ADAMTSL1: variants seen among roughly 807,000 people sequenced by gnomAD.
ADAMTSL1 encodes ADAMTS like 1.
A neutral mutation model predicts 201.8 loss-of-function variants in ADAMTSL1; 126 were observed. That is an observed-to-expected ratio of 0.62 (90% CI 0.54 to 0.72). ADAMTSL1 has a LOEUF of 0.72. Among genes scored for constraint, ADAMTSL1 ranks in the 30% least tolerant of loss-of-function variants. The pLI is 0.00. For missense variants in ADAMTSL1, 2,679 were observed against 2,277.8 expected, an observed-to-expected ratio of 1.18 and a Z score of -3.59; for synonymous variants, 1,121 against 903.4, an observed-to-expected ratio of 1.24 and a Z score of -4.32.
chr9:18,785,079 G>C (rs942289344), intron 19 of ADAMTSL1, among the ~76,000 whole-genome samples: 3 of 152,142 alleles, frequency 2.0e-5, no homozygotes, highest in Non-Finnish European at 2.9e-5. Flanking sequence ...CAGGAGAATC[G>C]CTTGAACGCA....
intron 2 of ADAMTSL1, among the ~76,000 whole-genome samples, chr9:18,393,813 A>C (rs1002081087): frequency 1.3e-5 from 2 of 152,202 alleles, no homozygotes; most frequent in African/African-American, 4.8e-5. Context: ...TGAAGGAAAC[A>C]AGGCTTGGAG....
chr9:18,496,504 A>G (rs1049657552), intron 1 of ADAMTSL1, among the ~76,000 whole-genome samples: 6 of 152,342 alleles, frequency 3.9e-5, no homozygotes, highest in African/African-American at 1.4e-4. Flanking sequence ...CTTGGCTCAC[A>G]TGGCACAATA....
intron 1 of ADAMTSL1, among the ~76,000 whole-genome samples, chr9:18,490,622 G>A (rs1822223724): frequency 6.6e-6 from 1 of 152,152 alleles, no homozygotes; most frequent in Non-Finnish European, 1.5e-5. Flanking sequence ...ATCAATCGGA[G>A]CACAGAGAGA....
At chr9:18,509,346 C>G (rs1371174274) in intron 2 of ADAMTSL1, among the ~76,000 whole-genome samples, 1 of 151,586 alleles carries the variant, frequency 6.6e-6, no homozygotes, top group African/African-American at 2.4e-5. Flanking sequence ...CTAGTACCAG[C>G]AAGAATTTAT....
chr9:18,872,942 G>A (rs1827950580), intron 23 of ADAMTSL1, among the ~76,000 whole-genome samples: 1 of 152,170 alleles, frequency 6.6e-6, no homozygotes, highest in South Asian at 2.1e-4. Flanking sequence ...TCCACCAGCA[G>A]TGTAAAAGTG....
intron 4 of ADAMTSL1, among the ~76,000 whole-genome samples, chr9:18,603,370 GCTATGC>G (rs1824790646): frequency 1.3e-5 from 2 of 151,206 alleles, no homozygotes; most frequent in Non-Finnish European, 1.5e-5. Flanking sequence ...GCTATGCTAT[GCTATGC>G]TATGCTATGC....
At chr9:18,866,417 A>C (rs1827545531) in intron 23 of ADAMTSL1, among the ~76,000 whole-genome samples, 1 of 152,240 alleles carries the variant, frequency 6.6e-6, no homozygotes, top group Non-Finnish European at 1.5e-5. Flanking sequence ...TTTATAAAAT[A>C]AGCTACGTAT....
chr9:18,165,132 G>T (rs192298324), intron 2 of ADAMTSL1, among the ~76,000 whole-genome samples: 3 of 151,776 alleles, frequency 2.0e-5, no homozygotes, highest in Non-Finnish European at 2.9e-5. Flanking sequence ...ATCTACTGTG[G>T]ACCTACACAT....
At chr9:18,761,293 A>G (rs965666793) in intron 16 of ADAMTSL1, among the ~76,000 whole-genome samples, 7 of 152,238 alleles carry the variant, frequency 4.6e-5, no homozygotes, top group Non-Finnish European at 8.8e-5. Flanking sequence ...TACAGGCAGA[A>G]TTTATTAATG....
chr9:17,932,407 A>G (rs1044523723), intron 1 of ADAMTSL1, among the ~76,000 whole-genome samples: 6 of 152,074 alleles, frequency 3.9e-5, no homozygotes, highest in African/African-American at 1.4e-4. Flanking sequence ...GGGAGAAATG[A>G]TTGAATTTGC....
chr9:18,324,191 C>G (rs1374623816), intron 2 of ADAMTSL1, among the ~76,000 whole-genome samples: 1 of 152,066 alleles, frequency 6.6e-6, no homozygotes, highest in Non-Finnish European at 1.5e-5. Flanking sequence ...ACAAAATCAT[C>G]AAGTTAATGC....
chr9:18,554,175 A>T (rs1279534921), intron 3 of ADAMTSL1, among the ~76,000 whole-genome samples: 3 of 150,526 alleles, frequency 2.0e-5, no homozygotes, highest in African/African-American at 4.9e-5. Flanking sequence ...TTTTTTTTTT[A>T]AATCTACATG....
At chr9:18,661,765 A>G (rs1829107889) in intron 8 of ADAMTSL1, among the ~76,000 whole-genome samples, 170 bp from the exon 9 acceptor site, 1 of 152,228 alleles carries the variant, frequency 6.6e-6, no homozygotes. Flanking sequence ...AAAGCACAGT[A>G]CTTGAGGTCT....
intron 3 of ADAMTSL1, among the ~76,000 whole-genome samples, chr9:18,554,035 T>C (rs920920296): frequency 3.6e-4 from 54 of 151,994 alleles, no homozygotes; most frequent in African/African-American, 1.3e-3. Context: ...TCTCTCTATA[T>C]TGTATTTTAT....
intron 1 of ADAMTSL1, among the ~76,000 whole-genome samples, chr9:18,057,148 A>C (rs1204170613): frequency 6.6e-6 from 1 of 152,184 alleles, no homozygotes; most frequent in Non-Finnish European, 1.5e-5. Flanking sequence ...CGGTTTTTCT[A>C]GTATGTGGTC....
Position 18,382,496 on chromosome 9 carries a change from G to A in ADAMTSL1, c.208-122333G>A, listed in dbSNP as rs576585860. On this transcript the variant is annotated intron_variant, in intron 2 of 29. Coordinates refer to the ADAMTSL1 transcript ENST00000680146. ...AAGATTACGTTTTTCTTTTTTTAATGGCGAGAACTGCTTTAGGGTGGGAAG... is the reference window on the plus strand; with the variant it reads ...AAGATTACGTTTTTCTTTTTTTAATAGCGAGAACTGCTTTAGGGTGGGAAG... Among the ~76,000 whole-genome samples the A allele has an allele frequency of 1.1e-3, 170 of 152,036 alleles. 1 individual carries two copies. Among genetic ancestry groups the A allele is most frequent in the Non-Finnish European group, 2.0e-3 (134 of 67,952 alleles).
chr9:18,474,024 T>TG, upstream of ADAMTSL1: 2 of 515,448 alleles, frequency 3.9e-6, no homozygotes, highest in East Asian at 6.3e-5. Context: ...GGAGCCTGAT[T>TG]GGCTGGCTGC....
intron 3 of ADAMTSL1, among the ~76,000 whole-genome samples, chr9:18,559,552 A>G (rs998368716): frequency 1.3e-5 from 2 of 152,112 alleles, no homozygotes; most frequent in Admixed American, 6.5e-5. Context: ...AAGAAAGTCA[A>G]TGGTAGCTTG....
chr9:18,729,338 G>C (rs1179985537), intron 15 of ADAMTSL1, among the ~76,000 whole-genome samples: 1 of 152,176 alleles, frequency 6.6e-6, no homozygotes, highest in African/African-American at 2.4e-5. Context: ...AATACCTTGA[G>C]TCAAATTTAA....
Sources: gnomAD v4.1 joint callset for allele counts (sites outside exome capture counted in the v4.1 genomes callset) on GRCh38, gnomAD v4.1.1 for gene constraint, MANE v1.5 for transcripts, NCBI Gene and HGNC (gene_info 2026-07-23, HGNC 2026-07-21) for gene names.